The following SBNO1 variants were observed in gnomAD, a reference collection of about 807,000 sequenced individuals.
SBNO1 encodes the protein strawberry notch homolog 1, also known as protein strawberry notch homolog 1.
In SBNO1, 23 loss-of-function variants were observed where a neutral mutation model predicts 173.6. The observed-to-expected ratio is 0.13, with a 90% CI of 0.10 to 0.19. The LOEUF (loss-of-function observed/expected upper bound fraction) is 0.19. Among genes scored for constraint, SBNO1 ranks in the 10% least tolerant of loss-of-function variants. The pLI is 1.00. For synonymous variants in SBNO1, 632 were observed against 571.5 expected, an observed-to-expected ratio of 1.11 and a Z score of -1.51; for missense variants, 1,238 against 1,671.2, an observed-to-expected ratio of 0.74 and a Z score of 4.52.
chr12:123,333,053 G>A (rs1593379329), intron 7 of SBNO1, among the ~76,000 whole-genome samples: 1 of 152,092 alleles, frequency 6.6e-6, no homozygotes, highest in East Asian at 1.9e-4. Flanking sequence ...GAACCTGGGA[G>A]GCGGAGGTTC....
At chr12:123,319,836 TA>T (rs1233236156) in intron 20 of SBNO1, 63 bp downstream of exon 20, 17 of 1,466,588 alleles carry the variant, frequency 1.2e-5, no homozygotes, top group Admixed American at 9.1e-5. Context: ...AAGACTCTTC[TA>T]AAGCTTAATC....
At chr12:123,307,708 T>C (rs1229136706) in intron 28 of SBNO1, among the ~76,000 whole-genome samples, 1 of 152,006 alleles carries the variant, frequency 6.6e-6, no homozygotes, top group Admixed American at 6.6e-5. Flanking sequence ...GGAGGATCAC[T>C]TGAGGCCAAG....
At chr12:123,362,818 G>A (rs1408322896) in intron 1 of SBNO1, among the ~76,000 whole-genome samples, 4 of 149,948 alleles carry the variant, frequency 2.7e-5, no homozygotes, top group Admixed American at 2.0e-4. Context: ...AGGCACAATG[G>A]CTCATGCCTG....
Position 123,304,572 on chromosome 12 carries a change from G to GA in SBNO1, c.3768+9dup. The GA allele has an allele frequency of 1.3e-6, 2 of 1,516,818 alleles. No individual in the cohort carries two copies. Among genetic ancestry groups the GA allele is most frequent in the Admixed American group, 1.7e-5 (1 of 58,852 alleles). 94.0% of individuals were successfully genotyped at this position (1,516,818 alleles called of 1,614,324 possible). On this transcript the variant is annotated intron_variant, in intron 29 of 31. Transcript: ENST00000602398. ...TTCCTATATAATATAATGTACAAAT[G>GA]AAAAAATACCTTCTTATATTTCTTT...
At chr12:123,350,714 G>C (rs1240549495) in intron 1 of SBNO1, among the ~76,000 whole-genome samples, 2 of 152,234 alleles carry the variant, frequency 1.3e-5, no homozygotes, top group Non-Finnish European at 1.5e-5. Flanking sequence ...AATGAACTTT[G>C]TGGAAGCAGA....
chr12:123,320,502 G>A lies in SBNO1; in HGVS notation c.2597C>T (p.Ala866Val), dbSNP rs759680579. ...KDLLDKLEKL[A>V]EDLPPNTLDE... ...CAGGGTATTAGGGGGGAGGTCTTCA[G>A]CTAATTTTTCTAGCTTATCAAGCAG... Residue 866 changes from alanine (A) to valine (V), a missense_variant, in exon 19 of 32, where the codon GCT becomes GTT. Around this residue, in one of 14 missense-constraint regions of SBNO1, gnomAD observed 74 missense variants for 68.5 expected, o/e 1.08. Coordinates refer to ENST00000602398, the MANE Select transcript of SBNO1 (RefSeq NM_001167856.3). 7 of 1,613,976 alleles carry A rather than the reference G, an allele frequency of 4.3e-6. No individual in the cohort carries two copies. The highest frequency in any genetic ancestry group is 4.2e-6 in the Non-Finnish European group (5 of 1,180,020).
At position 123,324,348 on chromosome 12, in the gene SBNO1, G is replaced by T. The variant is rs573445742; in HGVS notation, c.1974-517C>A. ...TCTTTTTTTTTTTTTTTTTGAGACC[G>T]AGTCTCTCTGTCACCCAGGCTGGAG... is the stretch of plus-strand genomic sequence containing the variant. On this transcript the variant is annotated intron_variant, in intron 15 of 31. Coordinates refer to ENST00000602398, the MANE Select transcript of SBNO1 (RefSeq NM_001167856.3). 8.9e-4 allele frequency among the ~76,000 whole-genome samples: 132 copies of T among 149,044 alleles called. 1 individual carries two copies. The Middle Eastern group carries it at 0.01, about 12-fold the overall frequency.
At chr12:123,356,464 C>A (rs1353110404) in intron 1 of SBNO1, among the ~76,000 whole-genome samples, 1 of 152,208 alleles carries the variant, frequency 6.6e-6, no homozygotes, top group Admixed American at 6.5e-5. Context: ...GCGATGGAGT[C>A]TTGTTCTGTC....
chr12:123,343,034 G>T (rs771068774), intron 4 of SBNO1, among the ~76,000 whole-genome samples: 1 of 152,172 alleles, frequency 6.6e-6, no homozygotes, highest in African/African-American at 2.4e-5. Context: ...TTGAGGTCAG[G>T]AGTTCAAGAT....
rs2048580556 is a variant in SBNO1, at chr12:123,295,655, TCTG to T, written c.*250_*252del. 5 of 449,042 alleles carry T rather than the reference TCTG, an allele frequency of 1.1e-5. No homozygotes were observed. The highest frequency in any genetic ancestry group is 2.0e-5 in the Non-Finnish European group (5 of 245,556). 27.8% of individuals were successfully genotyped at this position (449,042 alleles called of 1,614,324 possible). A position where few individuals can be genotyped will look rare whatever the true frequency, so the allele number is the denominator to read the frequency against. On this transcript the variant is annotated 3_prime_UTR_variant, in exon 32 of 32. Transcript: ENST00000602398. ...ACACACACGCACACACACATCCCCC[TCTG>T]CTCACCCGAAGTAAAAGCAGATGGG... is the stretch of plus-strand genomic sequence containing the variant.
At chr12:123,321,883 G>C (rs1870014671) in intron 16 of SBNO1, 151 bp from the exon 17 acceptor site, 1 of 655,676 alleles carries the variant, frequency 1.5e-6, no homozygotes, top group African/African-American at 1.8e-5. Context: ...TCACAAACCA[G>C]CACTAACCTT....
chr12:123,323,131 G>T lies in SBNO1; in HGVS notation c.2125+549C>A, dbSNP rs572356960. On this transcript the variant is annotated intron_variant, in intron 16 of 31. Coordinates refer to ENST00000602398, the MANE Select transcript of SBNO1 (RefSeq NM_001167856.3). ...GTATGGACCTCTGCCAGGTTATATGGTAGAATGTATATAGCCAAGTGCTTA... is the reference window on the plus strand; with the variant it reads ...GTATGGACCTCTGCCAGGTTATATGTTAGAATGTATATAGCCAAGTGCTTA... Among the ~76,000 whole-genome samples, 4 of 152,218 alleles carry T rather than the reference G, an allele frequency of 2.6e-5. No homozygotes were observed. In the East Asian group the frequency reaches 7.7e-4, roughly 29 times the overall value.
chr12:123,321,101 G>T (rs1184806470), intron 17 of SBNO1, among the ~76,000 whole-genome samples: 1 of 152,070 alleles, frequency 6.6e-6, no homozygotes, highest in Non-Finnish European at 1.5e-5. Flanking sequence ...CACCACACCT[G>T]GCTAATTTTG....
chr12:123,328,069 G>A (rs1323970655), intron 10 of SBNO1, 42 bp from the exon 11 acceptor site: 3 of 1,468,880 alleles, frequency 2.0e-6, no homozygotes, highest in African/African-American at 2.8e-5. Context: ...TTAGTATTAA[G>A]TAAGAATCTC....
Position 123,334,148 on chromosome 12 carries a change from G to A in SBNO1, c.814C>T (p.Pro272Ser). 1 of 1,605,970 alleles carries A rather than the reference G, an allele frequency of 6.2e-7. No individual in the cohort carries two copies. Among genetic ancestry groups the A allele is most frequent in the South Asian group, 1.1e-5 (1 of 88,108 alleles). Residue 272 changes from proline (P) to serine (S), a missense_variant, in exon 7 of 32, where the codon CCT becomes TCT. Coordinates refer to ENST00000602398, the MANE Select transcript of SBNO1 (RefSeq NM_001167856.3). ...ETSSLSSVTPPDVWYKTSISE... is the reference protein window; with the variant it reads ...ETSSLSSVTPSDVWYKTSISE... ...ATGGATGTTTTGTACCAAACATCAGGAGGAGTAACACTGGATAAAGAGCTG... is the reference window on the plus strand; with the variant it reads ...ATGGATGTTTTGTACCAAACATCAGAAGGAGTAACACTGGATAAAGAGCTG...
At chr12:123,341,285 C>T (rs1872535309) in intron 4 of SBNO1, among the ~76,000 whole-genome samples, 197 bp from the exon 5 acceptor site, 1 of 151,906 alleles carries the variant, frequency 6.6e-6, no homozygotes, top group African/African-American at 2.4e-5. Flanking sequence ...CGCATCTCTA[C>T]TAAAAATACA....
chr12:123,343,141 G>C (rs892451766), intron 4 of SBNO1, among the ~76,000 whole-genome samples: 2 of 152,148 alleles, frequency 1.3e-5, no homozygotes, highest in African/African-American at 4.8e-5. Context: ...GCTGAAGCAG[G>C]AGAATCACTT....
chr12:123,356,487 G>A (rs1874474055), intron 1 of SBNO1, among the ~76,000 whole-genome samples: 1 of 152,212 alleles, frequency 6.6e-6, no homozygotes, highest in African/African-American at 2.4e-5. Flanking sequence ...CCAAGCTGGA[G>A]TGCAATGGCA....
intron 7 of SBNO1, among the ~76,000 whole-genome samples, chr12:123,332,848 G>C (rs1295413122): frequency 6.6e-6 from 1 of 152,172 alleles, no homozygotes; most frequent in Admixed American, 6.5e-5. Flanking sequence ...GATTGGGCCG[G>C]GCACGGTGGC....
Sources: gnomAD v4.1 joint callset for allele counts (sites outside exome capture counted in the v4.1 genomes callset) on GRCh38, gnomAD v4.1.1 for gene constraint, gnomAD v4.1.1 regional missense constraint, MANE v1.5 for transcripts, NCBI Gene and HGNC (gene_info 2026-07-23, HGNC 2026-07-21) for gene names.